The following SPAST variants were observed in gnomAD, a reference collection of about 807,000 sequenced individuals.
SPAST encodes the protein spastic paraplegia 4 (autosomal dominant; spastin).
Under a neutral mutation model 76.6 loss-of-function variants are expected in SPAST, and 30 were observed. The ratio of observed to expected loss-of-function variants is 0.39; its 90% CI spans 0.29 to 0.53. SPAST has a LOEUF of 0.53. Among genes scored for constraint, SPAST ranks in the 20% least tolerant of loss-of-function variants. The pLI is 0.68. For synonymous variants in SPAST, 305 were observed against 281.0 expected (o/e 1.09, Z -0.86); for missense variants, 717 against 770.5 (o/e 0.93, Z 0.82).
intron 1 of SPAST, among the ~76,000 whole-genome samples, chr2:32,066,361 A>G (rs187173396): frequency 9.2e-5 from 14 of 152,242 alleles, no homozygotes; most frequent in African/African-American, 3.4e-4. Flanking sequence ...GAATAGAGGA[A>G]CATGTTTAAG....
At chr2:32,114,948 T>C in intron 5 of SPAST, 123 bp downstream of exon 5, 1 of 688,918 alleles carries the variant, frequency 1.5e-6, no homozygotes, top group Non-Finnish European at 2.4e-6. Context: ...TAAGTTTCCA[T>C]AAAGTTAAAT....
intron 1 of SPAST, among the ~76,000 whole-genome samples, chr2:32,086,607 G>A (rs1322811067): frequency 6.6e-6 from 1 of 151,762 alleles, no homozygotes; most frequent in Non-Finnish European, 1.5e-5. Context: ...AAATTACAAA[G>A]ATTAGCTGGG....
intron 3 of SPAST, among the ~76,000 whole-genome samples, chr2:32,097,507 T>C (rs1677960180): frequency 6.6e-6 from 1 of 152,044 alleles, no homozygotes; most frequent in Admixed American, 6.6e-5. Context: ...TTTACACAAA[T>C]GGTAGGGTAT....
rs121908511 is a variant in SPAST at position 32,141,905 on chromosome 2, C to A, written c.1495C>A (p.Arg499Ser). ...AAAGTGCTGGATTTTTTTTTTTAGG[C>A]GTTTCATCAAACGGGTATATGTGTC... The part of the protein sequence containing the change: ...PQELDEAVLR[R>S]FIKRVYVSLP... The change falls in exon 13 of 17, where the codon CGT becomes AGT. Residue 499 changes from arginine to serine, a missense_variant and splice_region_variant. By Grantham distance (110) the Arg-to-Ser change is moderately radical. Transcript: ENST00000315285. 1 of 1,607,560 alleles carries A rather than the reference C, an allele frequency of 6.2e-7. No homozygotes were observed. The highest frequency in any genetic ancestry group is 8.5e-7 in the Non-Finnish European group (1 of 1,176,852).
chr2:32,067,770 T>C (rs1290373574), intron 1 of SPAST, among the ~76,000 whole-genome samples: 2 of 151,204 alleles, frequency 1.3e-5, no homozygotes, highest in African/African-American at 4.8e-5. Flanking sequence ...TTTTTTTTTT[T>C]TTGCTAGAGA....
intron 4 of SPAST, among the ~76,000 whole-genome samples, chr2:32,113,164 G>T (rs1285979492): frequency 6.6e-6 from 1 of 151,436 alleles, no homozygotes; most frequent in Non-Finnish European, 1.5e-5. Context: ...GTCCCTCTCA[G>T]TCACCCAGGC....
chr2:32,132,452 T>TAG (rs1679401295), intron 9 of SPAST, among the ~76,000 whole-genome samples: 2 of 152,156 alleles, frequency 1.3e-5, no homozygotes, highest in South Asian at 4.1e-4. Flanking sequence ...CAGTTCTATC[T>TAG]AATACAATTT....
intron 1 of SPAST, among the ~76,000 whole-genome samples, chr2:32,086,832 AAAAAT>A (rs1470042083): frequency 6.6e-6 from 1 of 152,168 alleles, no homozygotes; most frequent in Admixed American, 6.5e-5. Context: ...AAATAAAACA[AAAAAT>A]TAATTTTCAA....
intron 16 of SPAST, among the ~76,000 whole-genome samples, chr2:32,153,365 C>G (rs544903241): frequency 7.5e-6 from 1 of 133,288 alleles, no homozygotes; most frequent in Non-Finnish European, 1.5e-5. Context: ...ACTCATTGCC[C>G]AAGCTGGAGT....
chr2:32,067,425 T>C (rs548475375), intron 1 of SPAST, among the ~76,000 whole-genome samples: 1 of 152,128 alleles, frequency 6.6e-6, no homozygotes, highest in South Asian at 2.1e-4. Flanking sequence ...AAAGGAGAAA[T>C]TAAGGAAAAC....
chr2:32,094,918 G>A (rs558713644), intron 3 of SPAST, among the ~76,000 whole-genome samples: 3 of 152,216 alleles, frequency 2.0e-5, no homozygotes, highest in Non-Finnish European at 2.9e-5. Context: ...GCAGTGAGCC[G>A]AGGTTGCGCC....
At chr2:32,095,583 A>C (rs1052980670) in intron 3 of SPAST, among the ~76,000 whole-genome samples, 14 of 151,514 alleles carry the variant, frequency 9.2e-5, no homozygotes, top group Non-Finnish European at 1.8e-4. Context: ...AAAAAAAAAA[A>C]AAATAGCCAG....
chr2:32,091,048 A>G (rs555733026), intron 3 of SPAST, among the ~76,000 whole-genome samples: 3 of 151,996 alleles, frequency 2.0e-5, no homozygotes, highest in South Asian at 2.1e-4. Context: ...GGTTTTAAAT[A>G]TATATTAATA....
intron 9 of SPAST, among the ~76,000 whole-genome samples, chr2:32,136,077 CA>C (rs984498838): frequency 7.8e-4 from 69 of 88,832 alleles, no homozygotes; most frequent in African/African-American, 6.4e-4. Context: ...AACTCTGTCT[CA>C]AAAAAAAAAA....
chr2:32,133,046 CAA>C (rs11431898), intron 9 of SPAST, among the ~76,000 whole-genome samples: 1 of 144,966 alleles, frequency 6.9e-6, no homozygotes, highest in Non-Finnish European at 1.5e-5. Flanking sequence ...AACTCCATCT[CAA>C]AAAAAAAAAG....
chr2:32,080,905 C>T (rs970049481), intron 1 of SPAST, among the ~76,000 whole-genome samples: 4 of 149,450 alleles, frequency 2.7e-5, no homozygotes, highest in Admixed American at 6.7e-5. Flanking sequence ...AGTGATTCTC[C>T]TGCCTCAGCC....
intron 4 of SPAST, among the ~76,000 whole-genome samples, chr2:32,110,688 C>T (rs1286260989): frequency 7.6e-6 from 1 of 131,544 alleles, no homozygotes; most frequent in Non-Finnish European, 1.6e-5. Context: ...TGTATATATA[C>T]TGTATATATA....
Position 32,087,534 on chromosome 2 carries a change from T to C in SPAST, c.458T>C (p.Ile153Thr). The C allele has an allele frequency of 1.2e-6, 2 of 1,609,442 alleles. No homozygotes were observed. The highest frequency in any genetic ancestry group is 1.7e-6 in the Non-Finnish European group (2 of 1,176,566). The change falls in exon 2 of 17, where the codon ATT becomes ACT. Residue 153 changes from isoleucine (I) to threonine (T), a missense_variant. Ile to Thr is a moderately conservative substitution (Grantham distance 89, BLOSUM62 -1). Transcript: ENST00000315285. ...GCTGTGGAATGGTATAAGAAAGGTA[T>C]TGAAGAACTGGAAAAAGGAATAGCT... ...EQAVEWYKKG[I>T]EELEKGIAVI...
intron 1 of SPAST, among the ~76,000 whole-genome samples, chr2:32,083,768 A>ATTTTTTT (rs1553398805): frequency 1.9e-5 from 1 of 51,602 alleles, no homozygotes; most frequent in African/African-American, 7.5e-5. Context: ...ATATATATAT[A>ATTTTTTT]TATATATATT....
Sources: allele counts gnomAD v4.1 joint callset (sites outside exome capture counted in the v4.1 genomes callset), GRCh38; gene constraint gnomAD v4.1.1; transcripts MANE v1.5; gene names NCBI Gene and HGNC (gene_info 2026-07-23, HGNC 2026-07-21).